Variants in ADGRV1 observed in about 807,000 individuals in gnomAD.
ADGRV1 encodes the protein G-protein coupled receptor 98.
A neutral mutation model predicts 596.2 loss-of-function variants in ADGRV1; 359 were observed. The observed-to-expected ratio is 0.60, with a 90% confidence interval of 0.55 to 0.66. The LOEUF is 0.66. Ranked by LOEUF, ADGRV1 falls within the 30% of genes least tolerant of loss-of-function variation. ADGRV1 has a pLI of 0.00. For missense variants in ADGRV1, 7,274 were observed against 7,575.6 expected (o/e 0.96, Z 1.48); for synonymous variants, 2,681 against 2,679.2 (o/e 1.00, Z -0.02).
At position 90,692,698 on chromosome 5, in the gene ADGRV1, T is replaced by C. The variant is rs1458041924; in HGVS notation, c.7045T>C (p.Tyr2349His). 6.2e-7 allele frequency: 1 copy of C among 1,610,818 alleles called. No individual in the cohort carries two copies. The highest frequency in any genetic ancestry group is 2.2e-5 in the East Asian group (1 of 44,804). The change falls in exon 32 of 90, where the codon TAT becomes CAT. Residue 2349 changes from tyrosine to histidine, a missense_variant. Physicochemically the swap from Tyr to His is moderately conservative, Grantham distance 83. Around this residue, in one of 5 missense-constraint regions of ADGRV1, gnomAD observed 3,643 missense variants for 3,809.2 expected, o/e 0.96. Coordinates refer to ENST00000405460, the MANE Select transcript of ADGRV1 (RefSeq NM_032119.4). ...TATTATTCCTGCCAATGATGATCCT[T>C]ATGGTACAGTAGCCTTTGCTCAGAT... is the stretch of plus-strand genomic sequence containing the variant. ...NIIIPANDDP[Y>H]GTVAFAQMVY...
intron 1 of ADGRV1, among the ~76,000 whole-genome samples, chr5:90,611,157 A>G (rs1158726425): frequency 6.6e-6 from 1 of 151,976 alleles, no homozygotes; most frequent in Admixed American, 6.6e-5. Context: ...TACAAATGTT[A>G]TGTTAAACTG....
intron 75 of ADGRV1, among the ~76,000 whole-genome samples, chr5:90,822,696 T>C (rs1184698441): frequency 6.6e-6 from 1 of 152,200 alleles, no homozygotes; most frequent in African/African-American, 2.4e-5. Context: ...GGGGTTGGCA[T>C]TGAATCTATA....
chr5:90,921,793 CTTG>C (rs1435994312), intron 83 of ADGRV1, among the ~76,000 whole-genome samples: 2 of 138,480 alleles, frequency 1.4e-5, no homozygotes, highest in Non-Finnish European at 3.1e-5. Context: ...AAAGTTGTGT[CTTG>C]TTTTTTTTTT....
Position 90,652,491 on chromosome 5 carries a change from A to C in ADGRV1, c.3562A>C (p.Ile1188Leu), listed in dbSNP as rs767721447. 6 of 1,613,462 alleles carry C rather than the reference A, an allele frequency of 3.7e-6. No individual in the cohort carries two copies. In the South Asian group the frequency reaches 5.5e-5, roughly 15 times the overall value. The change falls in exon 19 of 90, where the codon ATT (isoleucine) becomes CTT (leucine). Residue 1188 changes from isoleucine (I) to leucine (L), a missense_variant. By Grantham distance (5) the Ile-to-Leu change is conservative. Around this residue, in one of 5 missense-constraint regions of ADGRV1, gnomAD observed 1,715 missense variants for 1,708.8 expected, o/e 1.00. Coordinates refer to ENST00000405460, the MANE Select transcript of ADGRV1 (RefSeq NM_032119.4). The part of the protein sequence containing the change: ...FMDGEEAKPI[I>L]LHAFPDKIPE... The stretch of plus-strand genomic sequence containing the variant: ...GGATGGAGAAGAAGCAAAACCAATC[A>C]TTCTCCATGCTTTTCCAGATAAAAT...
intron 85 of ADGRV1, among the ~76,000 whole-genome samples, chr5:91,059,676 C>A (rs1201743261): frequency 6.6e-6 from 1 of 152,178 alleles, no homozygotes; most frequent in African/African-American, 2.4e-5. Flanking sequence ...ATTGGGAATT[C>A]CCCATAAAGT....
chr5:90,572,773 T>C (rs561242126), intron 1 of ADGRV1, among the ~76,000 whole-genome samples: 7 of 152,262 alleles, frequency 4.6e-5, no homozygotes, highest in African/African-American at 2.4e-5. Flanking sequence ...GGACTAGCCT[T>C]GGAAAAGGGA....
intron 85 of ADGRV1, among the ~76,000 whole-genome samples, chr5:91,056,345 G>A (rs976629591): frequency 1.3e-5 from 2 of 151,928 alleles, no homozygotes; most frequent in African/African-American, 4.8e-5. Context: ...CTTTTTTTTG[G>A]TGGAAGTTTG....
intron 59 of ADGRV1, among the ~76,000 whole-genome samples, chr5:90,764,347 G>A (rs1243875857): frequency 6.6e-6 from 1 of 152,198 alleles, no homozygotes; most frequent in Non-Finnish European, 1.5e-5. Flanking sequence ...CTGTCTAAAG[G>A]CGGGGAGTTG....
At chr5:90,710,633 C>A (rs761511051) in intron 39 of ADGRV1, among the ~76,000 whole-genome samples, 1 of 151,900 alleles carries the variant, frequency 6.6e-6, no homozygotes, top group Non-Finnish European at 1.5e-5. Context: ...CCAACTGTCC[C>A]CATTTTCCTT....
intron 21 of ADGRV1, among the ~76,000 whole-genome samples, chr5:90,660,997 C>T (rs1770197264): frequency 1.3e-5 from 2 of 152,106 alleles, no homozygotes; most frequent in Admixed American, 6.5e-5. Flanking sequence ...TGAATAAAAC[C>T]TGTGAAGCAG....
chr5:90,617,840 T>C lies in ADGRV1; in HGVS notation c.244T>C (p.Tyr82His). The change falls in exon 3 of 90, where the codon TAT becomes CAT. Residue 82 changes from tyrosine (Y) to histidine (H), a missense_variant. By Grantham distance (83) the Tyr-to-His change is moderately conservative. Around this residue, in one of 5 missense-constraint regions of ADGRV1, gnomAD observed 1,715 missense variants for 1,708.8 expected, o/e 1.00. Transcript: ENST00000405460. ...GEDAGDFFDT[Y>H]AAAFIPAGET... ...GGACGCTGGTGACTTTTTTGACACATATGCTGCAGCTTTTATACCTGCCGG... is the reference window on the plus strand; with the variant it reads ...GGACGCTGGTGACTTTTTTGACACACATGCTGCAGCTTTTATACCTGCCGG... The C allele has an allele frequency of 6.3e-7, 1 of 1,599,626 alleles. No homozygotes were observed. Among genetic ancestry groups the C allele is most frequent in the Middle Eastern group, 1.7e-4 (1 of 6,048 alleles).
intron 84 of ADGRV1, among the ~76,000 whole-genome samples, chr5:90,976,318 G>GTATATATATATATA (rs1465709028): frequency 7.4e-4 from 89 of 120,726 alleles, no homozygotes; most frequent in African/African-American, 2.9e-3. Context: ...GTGTGTGTGT[G>GTATATATATATATA]TGTGTATATA....
chr5:91,020,953 G>GT (rs151331507), intron 85 of ADGRV1, among the ~76,000 whole-genome samples: 2,286 of 152,118 alleles, frequency 0.015, 47 homozygotes, highest in African/African-American at 0.047. Context: ...TTTGAAATAT[G>GT]TTTAAGTTTG....
chr5:90,960,028 A>G (rs1333497728), intron 83 of ADGRV1, among the ~76,000 whole-genome samples: 1 of 151,470 alleles, frequency 6.6e-6, no homozygotes, highest in African/African-American at 2.4e-5. Flanking sequence ...AGTCCCAGCT[A>G]CTCGGGAGGC....
At chr5:90,822,697 T>G (rs1463032113) in intron 75 of ADGRV1, among the ~76,000 whole-genome samples, 2 of 152,198 alleles carry the variant, frequency 1.3e-5, no homozygotes, top group African/African-American at 2.4e-5. Flanking sequence ...GGGTTGGCAT[T>G]GAATCTATAA....
At chr5:90,743,916 TCTTAA>T (rs1228185091) in intron 50 of ADGRV1, among the ~76,000 whole-genome samples, 1 of 152,180 alleles carries the variant, frequency 6.6e-6, no homozygotes, top group African/African-American at 2.4e-5. Context: ...CCCCCTTCCT[TCTTAA>T]CTTGTGTAGA....
rs553782586 is a variant in ADGRV1, at chr5:90,904,552, G to A, written c.17856+40695G>A. 2.6e-5 allele frequency among the ~76,000 whole-genome samples: 4 copies of A among 151,926 alleles called. No individual in the cohort carries two copies. The South Asian group carries it at 6.2e-4, about 24-fold the overall frequency. ...CTTTTCATATGCCTGTTCACCATTC[G>A]TTTGTCTTCTTTGAGATATGCCTAT... On this transcript the variant is annotated intron_variant, in intron 83 of 89. Transcript: ENST00000405460.
At chr5:90,741,132 G>A (rs1435106665) in intron 50 of ADGRV1, among the ~76,000 whole-genome samples, 1 of 152,002 alleles carries the variant, frequency 6.6e-6, no homozygotes, top group African/African-American at 2.4e-5. Context: ...TTGTTTCCAT[G>A]TTTTCTACTC....
rs1212780993 is a variant in ADGRV1, at chr5:91,150,233, T to C, written c.18624+12T>C. On this transcript the variant is annotated intron_variant, in intron 88 of 89. Transcript: ENST00000405460. ...GTGCTATGGAGGAGGTGTCTGCCCT[T>C]GCCCTTTCATTCTCTGTCTCTCTGT... 1.3e-6 allele frequency: 2 copies of C among 1,514,630 alleles called. No individual in the cohort carries two copies. The highest frequency in any genetic ancestry group is 1.3e-5 in the South Asian group (1 of 75,060). The allele number at this position is 1,514,630 out of a possible 1,614,324, so 93.8% of individuals were successfully genotyped here. A position where few individuals can be genotyped will look rare whatever the true frequency, so the allele number is the denominator to read the frequency against.
Sources: gnomAD v4.1 joint callset for allele counts (sites outside exome capture counted in the v4.1 genomes callset) on GRCh38, gnomAD v4.1.1 for gene constraint, gnomAD v4.1.1 regional missense constraint, MANE v1.5 for transcripts, NCBI Gene and HGNC (gene_info 2026-07-23, HGNC 2026-07-21) for gene names.